The following PPP1R2 variants were observed in gnomAD, a reference collection of about 807,000 sequenced individuals.
The protein encoded by PPP1R2 is protein phosphatase inhibitor 2.
In PPP1R2, 16 loss-of-function variants were observed where a neutral mutation model predicts 29.9. The ratio of observed to expected loss-of-function variants is 0.53; its 90% CI spans 0.36 to 0.81. The LOEUF (loss-of-function observed/expected upper bound fraction) is 0.81, where lower values mean the gene tolerates loss of function less well. Ranked by LOEUF, PPP1R2 falls within the 30% of genes least tolerant of loss-of-function variation. The pLI, the probability that PPP1R2 is intolerant of heterozygous loss-of-function variation, is 0.00. For synonymous variants in PPP1R2, 76 were observed against 91.5 expected (o/e 0.83, Z 0.96); for missense variants, 197 against 252.7 (o/e 0.78, Z 1.49).
intron 1 of PPP1R2, among the ~76,000 whole-genome samples, chr3:195,542,527 C>A (rs374451546): frequency 6.6e-6 from 1 of 151,942 alleles, no homozygotes; most frequent in African/African-American, 2.4e-5. Context: ...TAAAGGGTTC[C>A]CAAAGCAAGA....
At chr3:195,517,822 G>A (rs971112091) in intron 5 of PPP1R2, among the ~76,000 whole-genome samples, 3 of 152,084 alleles carry the variant, frequency 2.0e-5, no homozygotes, top group African/African-American at 7.2e-5. Context: ...CAGACTATGG[G>A]ATATATAATG....
intron 2 of PPP1R2, among the ~76,000 whole-genome samples, chr3:195,526,621 TC>T (rs904452483): frequency 3.3e-5 from 5 of 152,162 alleles, no homozygotes; most frequent in African/African-American, 1.2e-4. Flanking sequence ...AAATTTTTTT[TC>T]TTTTTCTTTA....
intron 1 of PPP1R2, among the ~76,000 whole-genome samples, chr3:195,541,149 T>G (rs1013793473): frequency 9.9e-5 from 15 of 152,278 alleles, no homozygotes; most frequent in African/African-American, 3.4e-4. Flanking sequence ...CAGTCTAGTA[T>G]AGTGGCTTTT....
At chr3:195,534,779 G>A (rs1001640806) in intron 1 of PPP1R2, among the ~76,000 whole-genome samples, 3 of 152,106 alleles carry the variant, frequency 2.0e-5, no homozygotes, top group African/African-American at 7.2e-5. Context: ...CTGCAGCCTC[G>A]AACTCCTGGG....
chr3:195,525,178 A>G (rs1199516009), intron 2 of PPP1R2, among the ~76,000 whole-genome samples: 3 of 152,188 alleles, frequency 2.0e-5, no homozygotes, highest in Non-Finnish European at 4.4e-5. Flanking sequence ...CGTGGATTGA[A>G]AATAGCCAGA....
chr3:195,529,736 C>A, intron 2 of PPP1R2, 58 bp downstream of exon 2: 1 of 1,238,374 alleles, frequency 8.1e-7, no homozygotes, highest in South Asian at 1.4e-5. Flanking sequence ...TCCAGACGTT[C>A]ATATGAAATG....
intron 4 of PPP1R2, chr3:195,519,417 T>A (rs868535922): frequency 7.2e-6 from 3 of 414,016 alleles, no homozygotes; most frequent in Non-Finnish European, 1.3e-5. Context: ...CAAGAATATA[T>A]CCAGCCATTA....
chr3:195,526,563 C>G (rs1407474135), intron 2 of PPP1R2, among the ~76,000 whole-genome samples: 1 of 152,126 alleles, frequency 6.6e-6, no homozygotes, highest in Non-Finnish European at 1.5e-5. Flanking sequence ...ATCTACCATT[C>G]AAATTATATT....
chr3:195,535,200 C>G (rs913083557), intron 1 of PPP1R2, among the ~76,000 whole-genome samples: 2 of 152,134 alleles, frequency 1.3e-5, no homozygotes, highest in African/African-American at 4.8e-5. Context: ...ACCTAGAGCC[C>G]GCGCATGCAC....
Position 195,518,175 on chromosome 3 carries a change from C to T in PPP1R2, c.571+843G>A, listed in dbSNP as rs576047034. Among the ~76,000 whole-genome samples, 15 of 152,104 alleles carry T rather than the reference C, an allele frequency of 9.9e-5. No individual in the cohort carries two copies. The East Asian group carries it at 2.5e-3, about 25-fold the overall frequency. On this transcript the variant is annotated intron_variant, in intron 5 of 5. Coordinates refer to ENST00000618156, the MANE Select transcript of PPP1R2 (RefSeq NM_006241.8). ...AACAGTTCATAAAAAATAAATAAAACCTATTTCCTATGACAGATCAGGAGT... is the reference window on the plus strand; with the variant it reads ...AACAGTTCATAAAAAATAAATAAAATCTATTTCCTATGACAGATCAGGAGT...
rs902918545 is a variant in PPP1R2, at chr3:195,518,740, T to C, written c.571+278A>G. ...GACCTAAAATATTCAAAACAAAATA[T>C]AGCTTAATATGAAGACAAACATCCT... is the stretch of plus-strand genomic sequence containing the variant. On this transcript the variant is annotated intron_variant, in intron 5 of 5. Coordinates refer to ENST00000618156, the MANE Select transcript of PPP1R2 (RefSeq NM_006241.8). 7.9e-5 allele frequency among the ~76,000 whole-genome samples: 12 copies of C among 152,064 alleles called. 1 individual carries two copies. The highest frequency in any genetic ancestry group is 1.2e-4 in the Non-Finnish European group (8 of 67,996).
intron 5 of PPP1R2, 48 bp from the exon 6 acceptor site, chr3:195,516,990 A>AC (rs753242896): frequency 6.6e-7 from 1 of 1,516,122 alleles, no homozygotes; most frequent in Non-Finnish European, 9.2e-7. Context: ...TATGTTGTCA[A>AC]CCCTGGCTAA....
Position 195,543,307 on chromosome 3 carries a change from A to G in PPP1R2, c.-282T>C. On this transcript the variant is annotated 5_prime_UTR_variant, in exon 1 of 6. Transcript: ENST00000618156. ...CGCCGGCCTAGAGCTCCAGCGCAGGAGCGACGCGACGCCGAAGCCAAGCGG... is the reference window on the plus strand; with the variant it reads ...CGCCGGCCTAGAGCTCCAGCGCAGGGGCGACGCGACGCCGAAGCCAAGCGG... 3.6e-6 allele frequency: 1 copy of G among 277,714 alleles called. No individual in the cohort carries two copies. The highest frequency in any genetic ancestry group is 6.8e-6 in the Non-Finnish European group (1 of 147,694). The allele number at this position is 277,714 out of a possible 1,614,324, so 17.2% of individuals were successfully genotyped here. A position where few individuals can be genotyped will look rare whatever the true frequency, so the allele number is the denominator to read the frequency against.
chr3:195,526,521 A>G (rs1191663855), intron 2 of PPP1R2, among the ~76,000 whole-genome samples: 1 of 152,242 alleles, frequency 6.6e-6, no homozygotes, highest in Non-Finnish European at 1.5e-5. Flanking sequence ...CTTAGGGACC[A>G]AATAACTTTT....
intron 4 of PPP1R2, among the ~76,000 whole-genome samples, chr3:195,520,900 C>T (rs964814355): frequency 1.2e-4 from 18 of 152,062 alleles, no homozygotes; most frequent in African/African-American, 4.3e-4. Flanking sequence ...AACTCCTGAC[C>T]TCAAGTGATC....
intron 5 of PPP1R2, among the ~76,000 whole-genome samples, chr3:195,517,508 C>G (rs936213891): frequency 6.6e-6 from 1 of 152,104 alleles, no homozygotes; most frequent in African/African-American, 2.4e-5. Flanking sequence ...AGGATATACT[C>G]CTTTGCAAGG....
chr3:195,538,924 A>G (rs1719490762), intron 1 of PPP1R2, among the ~76,000 whole-genome samples: 2 of 152,360 alleles, frequency 1.3e-5, no homozygotes, highest in Non-Finnish European at 2.9e-5. Flanking sequence ...TAAGCAGCAG[A>G]CAAGATTCAA....
intron 1 of PPP1R2, among the ~76,000 whole-genome samples, chr3:195,534,193 C>A (rs1343029751): frequency 1.3e-5 from 2 of 152,066 alleles, no homozygotes; most frequent in Non-Finnish European, 2.9e-5. Flanking sequence ...GGCACACACA[C>A]ACCTGCAGTC....
chr3:195,528,916 G>A (rs1719082988), intron 2 of PPP1R2: 1 of 152,200 alleles, frequency 6.6e-6, no homozygotes, highest in Non-Finnish European at 1.4e-5. Flanking sequence ...GCCCAGGCTG[G>A]AGTGCAATGG....
Sources: gnomAD v4.1 joint callset for allele counts (sites outside exome capture counted in the v4.1 genomes callset) on GRCh38, gnomAD v4.1.1 for gene constraint, MANE v1.5 for transcripts, NCBI Gene and HGNC (gene_info 2026-07-23, HGNC 2026-07-21) for gene names.